The following RABGAP1L variants were observed in gnomAD, a reference collection of about 807,000 sequenced individuals.
RABGAP1L encodes RAB GTPase activating protein 1 like.
RABGAP1L carries 63 observed loss-of-function variants against 137.7 expected under a neutral mutation model. The observed-to-expected ratio is 0.46, with a 90% CI of 0.37 to 0.56. RABGAP1L has a LOEUF of 0.56. Among genes scored for constraint, RABGAP1L ranks in the 20% least tolerant of loss-of-function variants. RABGAP1L has a pLI of 0.00. For missense variants in RABGAP1L, 1,095 were observed against 1,244.0 expected (o/e 0.88, Z 1.80); for synonymous variants, 431 against 433.7 (o/e 0.99, Z 0.08).
At chr1:174,617,546 G>T (rs1158583397) in intron 13 of RABGAP1L, among the ~76,000 whole-genome samples, 6 of 152,130 alleles carry the variant, frequency 3.9e-5, no homozygotes, top group Non-Finnish European at 7.4e-5. Context: ...ATGTTGTTGT[G>T]ATCCATGCAT....
At chr1:174,473,816 T>C (rs1184406850) in intron 13 of RABGAP1L, among the ~76,000 whole-genome samples, 2 of 152,318 alleles carry the variant, frequency 1.3e-5, no homozygotes, top group Admixed American at 1.3e-4. Context: ...CTAAAGCTCC[T>C]GCAGAGAATC....
chr1:174,221,736 GT>G (rs1485970706), intron 3 of RABGAP1L, among the ~76,000 whole-genome samples: 2 of 152,080 alleles, frequency 1.3e-5, no homozygotes, highest in Admixed American at 6.6e-5. Context: ...CTCTGATGGT[GT>G]TTTTTTGGTA....
intron 13 of RABGAP1L, among the ~76,000 whole-genome samples, chr1:174,477,593 G>A (rs1383933955): frequency 6.6e-6 from 1 of 152,174 alleles, no homozygotes; most frequent in Non-Finnish European, 1.5e-5. Flanking sequence ...TCATGGGGGA[G>A]AAGTACTGGA....
At chr1:174,291,173 C>T (rs1676568056) in intron 10 of RABGAP1L, among the ~76,000 whole-genome samples, 1 of 151,952 alleles carries the variant, frequency 6.6e-6, no homozygotes. Flanking sequence ...TTTTTTTCTT[C>T]CCCCTGTGAA....
intron 13 of RABGAP1L, among the ~76,000 whole-genome samples, chr1:174,597,045 C>G (rs544496846): frequency 7.2e-5 from 11 of 152,182 alleles, no homozygotes; most frequent in African/African-American, 1.9e-4. Flanking sequence ...TTGAACCATC[C>G]TTACATCCTG....
chr1:174,299,777 C>T (rs1176156992), intron 10 of RABGAP1L, among the ~76,000 whole-genome samples: 2 of 152,200 alleles, frequency 1.3e-5, no homozygotes, highest in Non-Finnish European at 2.9e-5. Flanking sequence ...GCTTGATATT[C>T]ATGAATATTT....
rs539790345 is a variant in RABGAP1L, at chr1:174,260,543, G to C, written c.986+7953G>C. Among the ~76,000 whole-genome samples, 16 of 152,166 alleles carry C rather than the reference G, an allele frequency of 1.1e-4. No homozygotes were observed. In the South Asian group the frequency reaches 1.5e-3, roughly 14 times the overall value. ...GGTAGGGCAAAGCTTACTTATTGAGGGTCTCCAGCTGAGATGTTAAAGTGT... is the reference window on the plus strand; with the variant it reads ...GGTAGGGCAAAGCTTACTTATTGAGCGTCTCCAGCTGAGATGTTAAAGTGT... On this transcript the variant is annotated intron_variant, in intron 7 of 25. Transcript: ENST00000681986.
chr1:174,366,778 GAAAAAAAAAAAA>G (rs71117562), intron 11 of RABGAP1L, among the ~76,000 whole-genome samples: 11,293 of 95,562 alleles, frequency 0.12, 797 homozygotes, highest in East Asian at 0.36. Context: ...CCGTCTCCAG[GAAAAAAAAAAAA>G]AAAAAAAAAA....
At chr1:174,895,877 A>G (rs910573755) in intron 19 of RABGAP1L, among the ~76,000 whole-genome samples, 10 of 152,238 alleles carry the variant, frequency 6.6e-5, no homozygotes, top group South Asian at 6.2e-4. Context: ...GGTCTTTGCT[A>G]TTGTGAATAG....
At chr1:174,754,698 C>T (rs1022406016) in intron 18 of RABGAP1L, among the ~76,000 whole-genome samples, 1 of 152,070 alleles carries the variant, frequency 6.6e-6, no homozygotes, top group African/African-American at 2.4e-5. Context: ...ACAGGGGTCT[C>T]ACTATGTTGC....
chr1:174,814,988 C>CTATTG (rs3085673), intron 19 of RABGAP1L, among the ~76,000 whole-genome samples: 14,073 of 151,984 alleles, frequency 0.093, 852 homozygotes, highest in East Asian at 0.21. Flanking sequence ...ATTGCCCAAC[C>CTATTG]TATTGTATTG....
chr1:174,508,248 T>G (rs571480692), intron 13 of RABGAP1L, among the ~76,000 whole-genome samples: 16 of 152,240 alleles, frequency 1.1e-4, no homozygotes, highest in African/African-American at 3.4e-4. Context: ...ATCGACTCAT[T>G]GTTATTTTTT....
chr1:174,539,636 G>A (rs1665196619), intron 13 of RABGAP1L, among the ~76,000 whole-genome samples: 1 of 152,160 alleles, frequency 6.6e-6, no homozygotes, highest in South Asian at 2.1e-4. Flanking sequence ...CCCTTTTTAT[G>A]GCTGCATACT....
intron 13 of RABGAP1L, chr1:174,449,023 G>C: frequency 6.2e-7 from 1 of 1,613,736 alleles, no homozygotes; most frequent in Non-Finnish European, 8.5e-7. Flanking sequence ...TAACAACCTG[G>C]CTTGCAATAA....
intron 13 of RABGAP1L, among the ~76,000 whole-genome samples, chr1:174,566,818 C>T (rs1322100209): frequency 6.6e-6 from 1 of 152,028 alleles, no homozygotes; most frequent in Non-Finnish European, 1.5e-5. Flanking sequence ...AGGTGTTTTA[C>T]AGTTATGATA....
chr1:174,613,660 T>C (rs1671492847), intron 13 of RABGAP1L, among the ~76,000 whole-genome samples: 2 of 152,162 alleles, frequency 1.3e-5, no homozygotes, highest in African/African-American at 2.4e-5. Context: ...AGTGGGGTGT[T>C]AAAGTCTCCC....
intron 19 of RABGAP1L, among the ~76,000 whole-genome samples, chr1:174,907,129 G>A (rs188652180): frequency 5.1e-4 from 77 of 152,162 alleles, no homozygotes; most frequent in Non-Finnish European, 4.0e-4. Flanking sequence ...TAAGTATACG[G>A]ATAAACCCAA....
intron 12 of RABGAP1L, among the ~76,000 whole-genome samples, chr1:174,381,732 A>G: frequency 3.7e-5 from 4 of 109,582 alleles, no homozygotes; most frequent in African/African-American, 1.8e-4. Flanking sequence ...ATGGGTCTTG[A>G]CTCTTTATCC....
intron 11 of RABGAP1L, among the ~76,000 whole-genome samples, chr1:174,323,675 T>C (rs1482320410): frequency 6.6e-6 from 1 of 152,140 alleles, no homozygotes; most frequent in African/African-American, 2.4e-5. Flanking sequence ...ACTAGTATGT[T>C]ATCAATGAAC....
Sources: gnomAD v4.1 joint callset for allele counts (sites outside exome capture counted in the v4.1 genomes callset) on GRCh38, gnomAD v4.1.1 for gene constraint, MANE v1.5 for transcripts, NCBI Gene and HGNC (gene_info 2026-07-23, HGNC 2026-07-21) for gene names.